EYS: variants seen among roughly 807,000 people sequenced by gnomAD.
EYS encodes the protein EGF-like photoreceptor maintenance factor.
In EYS, 250 loss-of-function variants were observed where a neutral mutation model predicts 282.1. The ratio of observed to expected loss-of-function variants is 0.89; its 90% CI spans 0.80 to 0.98. The LOEUF is 0.98. Among genes scored for constraint, EYS ranks in the 50% least tolerant of loss-of-function variants. The pLI, the probability that EYS is intolerant of heterozygous loss-of-function variation, is 0.00. For missense variants in EYS, 4,016 were observed against 3,709.0 expected, an observed-to-expected ratio of 1.08 and a Z score of -2.15; for synonymous variants, 1,355 against 1,282.9, an observed-to-expected ratio of 1.06 and a Z score of -1.20.
chr6:63,757,895 CTTTG>C (rs770292009), intron 41 of EYS, among the ~76,000 whole-genome samples: 24 of 152,110 alleles, frequency 1.6e-4, no homozygotes, highest in African/African-American at 3.6e-4. Context: ...GAATGAGTTT[CTTTG>C]TTTGTTTGTT....
chr6:64,795,770 TGAC>T (rs1359482648), intron 22 of EYS, among the ~76,000 whole-genome samples: 1 of 152,186 alleles, frequency 6.6e-6, no homozygotes, highest in African/African-American at 2.4e-5. Flanking sequence ...TAATGAGCTG[TGAC>T]AGAATTTTAG....
intron 31 of EYS, among the ~76,000 whole-genome samples, chr6:64,202,624 A>G (rs1765493957): frequency 6.6e-6 from 1 of 152,166 alleles, no homozygotes; most frequent in South Asian, 2.1e-4. Flanking sequence ...CAAAATGTAT[A>G]TATCTACCTG....
chr6:64,167,557 G>T (rs1246406769), intron 31 of EYS, among the ~76,000 whole-genome samples: 2 of 152,082 alleles, frequency 1.3e-5, no homozygotes, highest in African/African-American at 2.4e-5. Flanking sequence ...ATTCAGGGCA[G>T]GTTACAAGAA....
intron 29 of EYS, among the ~76,000 whole-genome samples, chr6:64,331,339 CTATT>C (rs1770638573): frequency 6.6e-6 from 1 of 152,136 alleles, no homozygotes; most frequent in Non-Finnish European, 1.5e-5. Context: ...TAGCAGTCAT[CTATT>C]GCAAAGGGCA....
intron 26 of EYS, among the ~76,000 whole-genome samples, chr6:64,550,126 G>A (rs1013384412): frequency 2.6e-5 from 4 of 151,942 alleles, no homozygotes; most frequent in South Asian, 2.1e-4. Context: ...TTTCTTAATC[G>A]AGTCTATCAT....
intron 15 of EYS, among the ~76,000 whole-genome samples, chr6:64,941,601 C>T (rs935511554): frequency 1.3e-5 from 2 of 152,040 alleles, no homozygotes; most frequent in African/African-American, 4.8e-5. Context: ...TCAACCCATA[C>T]TTACCTCCTT....
chr6:65,577,030 A>T (rs10944816), intron 2 of EYS, among the ~76,000 whole-genome samples: 26,328 of 151,808 alleles, frequency 0.17, 2,843 homozygotes, highest in Middle Eastern at 0.33. Flanking sequence ...TTTACATCAA[A>T]ATTTCAATGA....
At chr6:64,253,428 A>G (rs910429583) in intron 30 of EYS, among the ~76,000 whole-genome samples, 1 of 152,188 alleles carries the variant, frequency 6.6e-6, no homozygotes, top group Non-Finnish European at 1.5e-5. Flanking sequence ...ATAAATTGGC[A>G]TCATAGTTTA....
At chr6:65,046,781 A>G (rs1406356063) in intron 13 of EYS, among the ~76,000 whole-genome samples, 2 of 151,894 alleles carry the variant, frequency 1.3e-5, no homozygotes, top group Non-Finnish European at 2.9e-5. Flanking sequence ...ATGTGTTCCC[A>G]CCCAAAACTC....
chr6:64,034,775 G>T (rs933882407), intron 33 of EYS, among the ~76,000 whole-genome samples: 4 of 151,962 alleles, frequency 2.6e-5, no homozygotes, highest in African/African-American at 9.7e-5. Context: ...GCATTAAGAG[G>T]AATAATGGAC....
At chr6:65,186,421 T>A (rs914365400) in intron 12 of EYS, among the ~76,000 whole-genome samples, 5 of 151,864 alleles carry the variant, frequency 3.3e-5, no homozygotes, top group African/African-American at 7.2e-5. Flanking sequence ...AGTGGGATGA[T>A]AGAGTGTGTC....
At chr6:63,824,438 C>T (rs1162728450) in intron 36 of EYS, among the ~76,000 whole-genome samples, 1 of 152,070 alleles carries the variant, frequency 6.6e-6, no homozygotes, top group African/African-American at 2.4e-5. Context: ...CCACATATTA[C>T]AAAATAAAAC....
intron 2 of EYS, among the ~76,000 whole-genome samples, chr6:65,573,282 G>A (rs1764544916): frequency 6.6e-6 from 1 of 152,136 alleles, no homozygotes; most frequent in African/African-American, 2.4e-5. Flanking sequence ...TCACTGATGA[G>A]ATCAGAATAC....
chr6:63,900,159 A>C (rs965082099), intron 35 of EYS, among the ~76,000 whole-genome samples: 3 of 152,182 alleles, frequency 2.0e-5, no homozygotes, highest in Non-Finnish European at 2.9e-5. Flanking sequence ...TAAAAAACAC[A>C]ATCTTTTTTC....
chr6:65,073,896 T>C (rs1337762230), intron 12 of EYS, among the ~76,000 whole-genome samples: 2 of 151,914 alleles, frequency 1.3e-5, no homozygotes, highest in Non-Finnish European at 2.9e-5. Context: ...CACCTAGAAA[T>C]GAACACTTGA....
intron 14 of EYS, among the ~76,000 whole-genome samples, chr6:64,964,916 C>T (rs2150108061): frequency 6.6e-6 from 1 of 152,016 alleles, no homozygotes; most frequent in Admixed American, 6.5e-5. Flanking sequence ...ACCTGTAATC[C>T]CAGCCACTCA....
At chr6:64,169,572 T>C (rs1299768995) in intron 31 of EYS, among the ~76,000 whole-genome samples, 1 of 152,074 alleles carries the variant, frequency 6.6e-6, no homozygotes, top group Non-Finnish European at 1.5e-5. Context: ...GAGGGAGGAC[T>C]TCCTGAAGCC....
chr6:64,010,068 G>A (rs1272738477), intron 33 of EYS, among the ~76,000 whole-genome samples: 1 of 152,004 alleles, frequency 6.6e-6, no homozygotes, highest in African/African-American at 2.4e-5. Flanking sequence ...GGGTGGGGCT[G>A]GTACCAGACT....
At chr6:65,269,683 G>A (rs965253991) in intron 12 of EYS, among the ~76,000 whole-genome samples, 3 of 152,148 alleles carry the variant, frequency 2.0e-5, no homozygotes, top group African/African-American at 7.2e-5. Context: ...AAATTGAGAT[G>A]AGGGTGCCAG....
Sources: allele counts gnomAD v4.1 joint callset (sites outside exome capture counted in the v4.1 genomes callset), GRCh38; gene constraint gnomAD v4.1.1; transcripts MANE v1.5; gene names NCBI Gene and HGNC (gene_info 2026-07-23, HGNC 2026-07-21).